ADGRL3: variants seen among roughly 807,000 people sequenced by gnomAD.
ADGRL3 encodes the protein adhesion G protein-coupled receptor L3, also known as calcium-independent alpha-latrotoxin receptor 3.
Under a neutral mutation model 153.5 loss-of-function variants are expected in ADGRL3, and 62 were observed. That is an observed-to-expected ratio of 0.40 (90% CI 0.33 to 0.50). The LOEUF is 0.50. Among genes scored for constraint, ADGRL3 ranks in the 20% least tolerant of loss-of-function variants. ADGRL3 has a pLI of 0.47. For missense variants in ADGRL3, 1,641 were observed against 1,859.4 expected, an observed-to-expected ratio of 0.88 and a Z score of 2.16; for synonymous variants, 710 against 672.5, an observed-to-expected ratio of 1.06 and a Z score of -0.86.
intron 9 of ADGRL3, among the ~76,000 whole-genome samples, chr4:61,875,342 A>G (rs1468245032): frequency 6.6e-6 from 1 of 152,248 alleles, no homozygotes; most frequent in Non-Finnish European, 1.5e-5. Context: ...AATTATAAAT[A>G]GGATAAATGG....
intron 9 of ADGRL3, among the ~76,000 whole-genome samples, chr4:61,870,941 G>C (rs2098439979): frequency 6.6e-6 from 1 of 152,038 alleles, no homozygotes; most frequent in South Asian, 2.1e-4. Flanking sequence ...TCCACTTCTG[G>C]GTATATACCC....
chr4:61,691,560 T>C (rs1190694168), intron 6 of ADGRL3, among the ~76,000 whole-genome samples: 1 of 152,178 alleles, frequency 6.6e-6, no homozygotes, highest in Non-Finnish European at 1.5e-5. Flanking sequence ...ATGGTTACTT[T>C]GACTATTTGA....
rs141831986 is a variant in ADGRL3 at position 61,634,332 on chromosome 4, C to G, written c.474-42494C>G. Among the ~76,000 whole-genome samples the G allele has an allele frequency of 7.0e-3, 1,069 of 152,238 alleles. 22 individuals carry two copies. Among genetic ancestry groups the G allele is most frequent in the African/African-American group, 0.022 (898 of 41,550 alleles). On this transcript the variant is annotated intron_variant, in intron 5 of 26. Coordinates refer to ENST00000683033, the MANE Select transcript of ADGRL3 (RefSeq NM_001387552.1). ...CAGTGTACTACTTAACAGCTCCATA[C>G]AAAGTCAGAGTACCGTGGCTTAAAT...
intron 25 of ADGRL3, among the ~76,000 whole-genome samples, chr4:62,062,370 T>G (rs571308248): frequency 6.6e-6 from 1 of 152,120 alleles, no homozygotes; most frequent in East Asian, 1.9e-4. Flanking sequence ...CTTTTTTGGA[T>G]TACAAATATT....
intron 13 of ADGRL3, among the ~76,000 whole-genome samples, chr4:61,916,403 G>A (rs1180318312): frequency 6.6e-6 from 1 of 152,052 alleles, no homozygotes; most frequent in Non-Finnish European, 1.5e-5. Flanking sequence ...GAGAAGCCAA[G>A]GTAGAAGGAT....
chr4:61,856,948 TTC>T (rs1554048263), intron 9 of ADGRL3, among the ~76,000 whole-genome samples: 56 of 88,208 alleles, frequency 6.3e-4, no homozygotes, highest in African/African-American at 2.1e-3. Flanking sequence ...CTCTTTCTTC[TTC>T]TCTTTCTTTC....
chr4:61,232,854 G>T (rs899252911), intron 1 of ADGRL3, among the ~76,000 whole-genome samples: 3 of 152,116 alleles, frequency 2.0e-5, no homozygotes, highest in African/African-American at 7.2e-5. Flanking sequence ...ATATTTGCCA[G>T]AATATAGCCA....
chr4:61,232,470 G>A (rs913604052), intron 1 of ADGRL3, among the ~76,000 whole-genome samples: 1 of 151,638 alleles, frequency 6.6e-6, no homozygotes, highest in Non-Finnish European at 1.5e-5. Flanking sequence ...CACCACACCC[G>A]ACTAATTTTT....
chr4:61,573,245 G>A (rs2220861), intron 4 of ADGRL3, among the ~76,000 whole-genome samples: 73 of 151,912 alleles, frequency 4.8e-4, no homozygotes, highest in African/African-American at 1.7e-3. Context: ...TGAATATTCT[G>A]GAAAGTTTCG....
chr4:61,829,057 C>CTTT (rs2097842827), intron 9 of ADGRL3, among the ~76,000 whole-genome samples: 2 of 152,152 alleles, frequency 1.3e-5, no homozygotes, highest in African/African-American at 4.8e-5. Flanking sequence ...CATTAATAAA[C>CTTT]ATGTGTGGTA....
intron 6 of ADGRL3, among the ~76,000 whole-genome samples, chr4:61,720,442 A>G (rs1286652401): frequency 1.3e-5 from 2 of 152,180 alleles, no homozygotes; most frequent in South Asian, 2.1e-4. Context: ...TAACTTTCAA[A>G]TGTTTTGTTT....
intron 17 of ADGRL3, among the ~76,000 whole-genome samples, chr4:61,969,002 G>T (rs1329009059): frequency 4.6e-5 from 7 of 152,058 alleles, no homozygotes; most frequent in Non-Finnish European, 7.4e-5. Flanking sequence ...GAGGGAACAT[G>T]GTTTTGCTGG....
At chr4:61,686,485 T>C (rs767810864) in intron 6 of ADGRL3, among the ~76,000 whole-genome samples, 1 of 152,136 alleles carries the variant, frequency 6.6e-6, no homozygotes, top group Non-Finnish European at 1.5e-5. Flanking sequence ...ATCATTCAAA[T>C]ACTTATTTAT....
intron 4 of ADGRL3, among the ~76,000 whole-genome samples, chr4:61,580,288 G>A (rs547631722): frequency 1.3e-5 from 2 of 151,634 alleles, no homozygotes; most frequent in African/African-American, 4.8e-5. Context: ...TTTTTCATAT[G>A]ATCAGTGAGA....
chr4:61,836,727 CT>C (rs1253816615), intron 9 of ADGRL3, among the ~76,000 whole-genome samples: 1 of 152,010 alleles, frequency 6.6e-6, no homozygotes, highest in Non-Finnish European at 1.5e-5. Flanking sequence ...AACAAATTTA[CT>C]TCTGTTGAAC....
At chr4:61,346,091 G>A (rs1243799840) in intron 1 of ADGRL3, among the ~76,000 whole-genome samples, 3 of 152,066 alleles carry the variant, frequency 2.0e-5, no homozygotes, top group Admixed American at 6.6e-5. Flanking sequence ...AAATTAGTGC[G>A]GTTCAAAAGT....
chr4:61,548,195 G>A (rs1366770833), intron 4 of ADGRL3, among the ~76,000 whole-genome samples: 1 of 152,046 alleles, frequency 6.6e-6, no homozygotes, highest in Non-Finnish European at 1.5e-5. Flanking sequence ...TTTGTCAGAT[G>A]CATAGTTTGC....
At chr4:61,608,140 C>G (rs77859834) in intron 5 of ADGRL3, among the ~76,000 whole-genome samples, 5 of 152,200 alleles carry the variant, frequency 3.3e-5, no homozygotes, top group Non-Finnish European at 7.3e-5. Context: ...CTGTAAGGCC[C>G]ATTAAACTGG....
intron 1 of ADGRL3, among the ~76,000 whole-genome samples, chr4:61,224,170 A>G (rs181673442): frequency 7.2e-5 from 11 of 152,280 alleles, no homozygotes; most frequent in African/African-American, 2.6e-4. Flanking sequence ...AATAACTACA[A>G]TAACTACTTT....
Sources: allele counts gnomAD v4.1 joint callset (sites outside exome capture counted in the v4.1 genomes callset), GRCh38; gene constraint gnomAD v4.1.1; transcripts MANE v1.5; gene names NCBI Gene and HGNC (gene_info 2026-07-23, HGNC 2026-07-21).